The following KIAA1549 variants were observed in gnomAD, a reference collection of about 807,000 sequenced individuals.
KIAA1549 encodes the protein KIAA1549.
In KIAA1549, 70 loss-of-function variants were observed where a neutral mutation model predicts 156.4. The ratio of observed to expected loss-of-function variants is 0.45; its 90% CI spans 0.37 to 0.55. The LOEUF is 0.55. Ranked by LOEUF, KIAA1549 falls within the 20% of genes least tolerant of loss-of-function variation. The pLI, the probability that KIAA1549 is intolerant of heterozygous loss-of-function variation, is 0.00. For synonymous variants in KIAA1549, 1,103 were observed against 1,066.4 expected (o/e 1.03, Z -0.67); for missense variants, 2,428 against 2,540.9 (o/e 0.96, Z 0.96).
intron 1 of KIAA1549, among the ~76,000 whole-genome samples, chr7:138,961,180 T>C (rs560479923): frequency 6.6e-6 from 1 of 152,332 alleles, no homozygotes; most frequent in Non-Finnish European, 1.5e-5. Flanking sequence ...CCATTCTAAG[T>C]TGCTCCTGTT....
chr7:138,845,051 C>A (rs570589132), intron 17 of KIAA1549, among the ~76,000 whole-genome samples: 1 of 152,000 alleles, frequency 6.6e-6, no homozygotes, highest in African/African-American at 2.4e-5. Flanking sequence ...TTTTTTATCT[C>A]CAGACCTCTT....
rs777153192 is a variant in KIAA1549 at position 138,903,673 on chromosome 7, T to C, written c.3584A>G (p.Lys1195Arg). ...NEVFQAEMERKLAQLLSEVST... is the reference protein window; with the variant it reads ...NEVFQAEMERRLAQLLSEVST... ...AACCTCGCTGAGCAGCTGGGCCAGC[T>C]TGCGTTCCATCTCGGCTTGAAACAC... Residue 1195 changes from lysine to arginine, a missense_variant, in exon 8 of 20, where the codon AAG becomes AGG. By Grantham distance (26) the Lys-to-Arg change is conservative (BLOSUM62 2). Transcript: ENST00000422774. The C allele has an allele frequency of 5.6e-6, 9 of 1,611,624 alleles. No individual in the cohort carries two copies. Among genetic ancestry groups the C allele is most frequent in the East Asian group, 2.2e-5 (1 of 44,834 alleles).
intron 9 of KIAA1549, 95 bp from the exon 10 acceptor site, chr7:138,894,621 A>G: frequency 2.5e-6 from 3 of 1,209,646 alleles, no homozygotes; most frequent in Non-Finnish European, 3.5e-6. Flanking sequence ...AGTCCCTGAC[A>G]TTCCAGCTCA....
chr7:138,936,518 T>C (rs1813014396), intron 1 of KIAA1549, among the ~76,000 whole-genome samples: 1 of 152,230 alleles, frequency 6.6e-6, no homozygotes, highest in African/African-American at 2.4e-5. Flanking sequence ...AGAGATGTTC[T>C]GAGTCCATGG....
chr7:138,836,447 T>A lies in KIAA1549; in HGVS notation c.*1459A>T, dbSNP rs557742891. On this transcript the variant is annotated 3_prime_UTR_variant, in exon 20 of 20. Transcript: ENST00000422774. ...TTGGCACAGCAACAAAACAGCCTAATGACACATTTCTCAGAATGCATCCCC... is the reference window on the plus strand; with the variant it reads ...TTGGCACAGCAACAAAACAGCCTAAAGACACATTTCTCAGAATGCATCCCC... The A allele has an allele frequency of 4.7e-6, 1 of 214,496 alleles. No individual in the cohort carries two copies. Among genetic ancestry groups the A allele is most frequent in the East Asian group, 6.9e-5 (1 of 14,400 alleles). 13.3% of individuals were successfully genotyped at this position (214,496 alleles called of 1,614,324 possible). A position where few individuals can be genotyped will look rare whatever the true frequency, so the allele number is the denominator to read the frequency against.
intron 3 of KIAA1549, among the ~76,000 whole-genome samples, chr7:138,911,640 T>C (rs1433748087): frequency 6.6e-6 from 1 of 152,196 alleles, no homozygotes; most frequent in Non-Finnish European, 1.5e-5. Flanking sequence ...CTGTCCAAAA[T>C]AAATATGCAA....
chr7:138,875,715 G>T (rs537923668), intron 12 of KIAA1549, among the ~76,000 whole-genome samples: 7 of 152,306 alleles, frequency 4.6e-5, no homozygotes, highest in African/African-American at 1.7e-4. Flanking sequence ...GAATAGTTCA[G>T]CCTGAATTAC....
intron 1 of KIAA1549, among the ~76,000 whole-genome samples, chr7:138,935,432 T>C (rs1235592038): frequency 6.6e-6 from 1 of 152,236 alleles, no homozygotes; most frequent in Non-Finnish European, 1.5e-5. Flanking sequence ...TGTCAGCACT[T>C]TGAGTAACCA....
At chr7:138,965,431 T>A (rs1813990799) in intron 1 of KIAA1549, among the ~76,000 whole-genome samples, 1 of 152,156 alleles carries the variant, frequency 6.6e-6, no homozygotes, top group Non-Finnish European at 1.5e-5. Context: ...GCTCAAGCAA[T>A]CCGCCCACCT....
intron 17 of KIAA1549, among the ~76,000 whole-genome samples, chr7:138,847,123 C>T (rs1276482766): frequency 1.3e-5 from 2 of 152,242 alleles, no homozygotes; most frequent in Non-Finnish European, 2.9e-5. Flanking sequence ...ATTCTCCCTA[C>T]TTTCCCCCAC....
At chr7:138,953,339 G>A (rs1813553298) in intron 1 of KIAA1549, among the ~76,000 whole-genome samples, 1 of 152,098 alleles carries the variant, frequency 6.6e-6, no homozygotes, top group African/African-American at 2.4e-5. Context: ...CTAGACAACA[G>A]AGCAAGATTC....
chr7:138,845,610 C>G (rs1297387295), intron 17 of KIAA1549, among the ~76,000 whole-genome samples: 3 of 152,200 alleles, frequency 2.0e-5, no homozygotes, highest in Admixed American at 6.5e-5. Context: ...TTTATGACAT[C>G]TGTCATTTGG....
In KIAA1549 at chr7:138,834,867, G is replaced by A. The variant is rs186733596; in HGVS notation, c.*3039C>T. 8.2e-5 allele frequency: 19 copies of A among 231,754 alleles called. No homozygotes were observed. Among genetic ancestry groups the A allele is most frequent in the East Asian group, 5.5e-4 (9 of 16,402 alleles). 14.4% of individuals were successfully genotyped at this position (231,754 alleles called of 1,614,324 possible). A position where few individuals can be genotyped will look rare whatever the true frequency, so the allele number is the denominator to read the frequency against. ...GATCACATCTGATTCTCACAACTAC[G>A]GTGCCTGGGAGGTGGCGGGGGAGGT... is the stretch of plus-strand genomic sequence containing the variant. On this transcript the variant is annotated 3_prime_UTR_variant, in exon 20 of 20. Transcript: ENST00000422774.
intron 1 of KIAA1549, among the ~76,000 whole-genome samples, chr7:138,925,110 A>C (rs923152741): frequency 1.3e-5 from 2 of 152,162 alleles, no homozygotes; most frequent in Admixed American, 1.3e-4. Context: ...GCCATGCTGG[A>C]CGTCACAGCG....
intron 8 of KIAA1549, among the ~76,000 whole-genome samples, chr7:138,899,926 A>T (rs1456739359): frequency 1.3e-5 from 2 of 151,992 alleles, no homozygotes; most frequent in Non-Finnish European, 2.9e-5. Context: ...GTACCTTTTC[A>T]TTTCACTCTA....
In KIAA1549 at chr7:138,931,550, A is replaced by G. The variant is rs372315163; in HGVS notation, c.188-12112T>C. On this transcript the variant is annotated intron_variant, in intron 1 of 19. Transcript: ENST00000422774. ...GTGGATCACCTAAGGTCAGGACTTC[A>G]AGACCAGCCTGGCCAACATGGTGAA... is the stretch of plus-strand genomic sequence containing the variant. 9.6e-3 allele frequency among the ~76,000 whole-genome samples: 1,459 copies of G among 152,110 alleles called. 25 individuals are homozygous for G. The highest frequency in any genetic ancestry group is 0.032 in the African/African-American group (1,331 of 41,496).
At position 138,919,418 on chromosome 7, in the gene KIAA1549, G is replaced by A. The variant is rs748948042; in HGVS notation, c.208C>T (p.His70Tyr). The stretch of plus-strand genomic sequence containing the variant: ...TCCATGGAGTATAAAGAAAGGTTGT[G>A]CTGTTCCGGAGAGAGCTCATCTATC... ...CAPDELSPEQ[H>Y]NLSLYSMELV... Residue 70 changes from histidine (H) to tyrosine (Y), a missense_variant, in exon 2 of 20, where the codon CAC becomes TAC. Around this residue, in one of 5 missense-constraint regions of KIAA1549, gnomAD observed 893 missense variants for 847.9 expected, o/e 1.05. Coordinates refer to ENST00000422774, the MANE Select transcript of KIAA1549 (RefSeq NM_001164665.2). 3.1e-6 allele frequency: 5 copies of A among 1,613,818 alleles called. No individual in the cohort carries two copies. Among genetic ancestry groups the A allele is most frequent in the Admixed American group, 3.3e-5 (2 of 59,986 alleles).
intron 10 of KIAA1549, among the ~76,000 whole-genome samples, chr7:138,893,799 G>T (rs1453516376): frequency 1.3e-5 from 2 of 152,192 alleles, no homozygotes; most frequent in East Asian, 3.9e-4. Context: ...GGCCTGGTGC[G>T]GTGGCTCATG....
At chr7:138,840,054 T>G in intron 19 of KIAA1549, 79 bp downstream of exon 19, 1 of 1,312,090 alleles carries the variant, frequency 7.6e-7, no homozygotes, top group Non-Finnish European at 1.0e-6. Context: ...CCTCCCAAAG[T>G]GCTGGGATTA....
Sources: allele counts gnomAD v4.1 joint callset (sites outside exome capture counted in the v4.1 genomes callset), GRCh38; gene constraint gnomAD v4.1.1; regional missense constraint gnomAD v4.1.1; transcripts MANE v1.5; gene names NCBI Gene and HGNC (gene_info 2026-07-23, HGNC 2026-07-21).